ATRNL1: variants seen among roughly 807,000 people sequenced by gnomAD.
The protein encoded by ATRNL1 is attractin-like protein 1.
A neutral mutation model predicts 182.7 loss-of-function variants in ATRNL1; 95 were observed. The ratio of observed to expected loss-of-function variants is 0.52; its 90% CI spans 0.44 to 0.62. The LOEUF is 0.62. Ranked by LOEUF, ATRNL1 falls within the 20% of genes least tolerant of loss-of-function variation. The pLI is 0.00. For missense variants in ATRNL1, 1,471 were observed against 1,679.5 expected, an observed-to-expected ratio of 0.88 and a Z score of 2.17; for synonymous variants, 576 against 568.3, an observed-to-expected ratio of 1.01 and a Z score of -0.19.
chr10:115,670,387 A>G (rs1945657774), intron 26 of ATRNL1, among the ~76,000 whole-genome samples: 1 of 152,122 alleles, frequency 6.6e-6, no homozygotes, highest in Non-Finnish European at 1.5e-5. Flanking sequence ...TTTTTCCTGC[A>G]GTGAAAAAGA....
chr10:115,270,764 C>T (rs1851825790), intron 13 of ATRNL1, among the ~76,000 whole-genome samples: 1 of 152,054 alleles, frequency 6.6e-6, no homozygotes, highest in Non-Finnish European at 1.5e-5. Flanking sequence ...TCAGTCTCAT[C>T]CAGAACTGCC....
At chr10:115,237,327 C>T (rs1425686161) in intron 9 of ATRNL1, among the ~76,000 whole-genome samples, 1 of 152,170 alleles carries the variant, frequency 6.6e-6, no homozygotes, top group Non-Finnish European at 1.5e-5. Flanking sequence ...GCCAAAGTGG[C>T]TGGCTGTATC....
chr10:115,883,154 C>G (rs115665293), intron 28 of ATRNL1, among the ~76,000 whole-genome samples: 1,554 of 152,318 alleles, frequency 0.01, 34 homozygotes, highest in African/African-American at 0.036. Flanking sequence ...CTGGACAACT[C>G]TATACCCATC....
chr10:115,253,325 C>T lies in ATRNL1; in HGVS notation c.1687+11600C>T, dbSNP rs531769102. 4.6e-5 allele frequency among the ~76,000 whole-genome samples: 7 copies of T among 152,268 alleles called. No homozygotes were observed. The South Asian group carries it at 8.3e-4, about 18-fold the overall frequency. On this transcript the variant is annotated intron_variant, in intron 10 of 28. Transcript: ENST00000355044. ...GAATGGCCAGGCCTTTATACCAATA[C>T]ATTGATCAGTCATTCAATATGGGTC... is the stretch of plus-strand genomic sequence containing the variant.
chr10:115,829,636 T>C (rs933905628), intron 27 of ATRNL1, among the ~76,000 whole-genome samples: 1 of 152,098 alleles, frequency 6.6e-6, no homozygotes, highest in Non-Finnish European at 1.5e-5. Context: ...AAAAAAGATA[T>C]ACCCTTTTCC....
chr10:115,433,528 G>A (rs369419389), intron 21 of ATRNL1, among the ~76,000 whole-genome samples: 1 of 152,018 alleles, frequency 6.6e-6, no homozygotes, highest in South Asian at 2.1e-4. Flanking sequence ...CAGACATGAT[G>A]GATTGAACAG....
intron 1 of ATRNL1, among the ~76,000 whole-genome samples, chr10:115,117,424 T>G (rs1300140211): frequency 6.6e-6 from 1 of 152,142 alleles, no homozygotes; most frequent in African/African-American, 2.4e-5. Context: ...GTTTTGCTTT[T>G]TAGATCCCAC....
chr10:115,606,281 CAT>C (rs1470693576), intron 26 of ATRNL1, among the ~76,000 whole-genome samples: 10 of 151,996 alleles, frequency 6.6e-5, no homozygotes, highest in Non-Finnish European at 1.2e-4. Flanking sequence ...GCAACACACT[CAT>C]AGAAAAAAAA....
At chr10:115,356,512 A>G (rs930074879) in intron 19 of ATRNL1, among the ~76,000 whole-genome samples, 1 of 152,034 alleles carries the variant, frequency 6.6e-6, no homozygotes, top group African/African-American at 2.4e-5. Context: ...AACTGAGGCT[A>G]TGAAAACTGT....
chr10:115,685,798 C>A (rs969062272), intron 26 of ATRNL1, among the ~76,000 whole-genome samples: 1 of 151,548 alleles, frequency 6.6e-6, no homozygotes, highest in African/African-American at 2.4e-5. Flanking sequence ...TTTGTTAAGT[C>A]CAAGAATACA....
At chr10:115,196,830 G>A (rs1292358810) in intron 8 of ATRNL1, among the ~76,000 whole-genome samples, 2 of 151,968 alleles carry the variant, frequency 1.3e-5, no homozygotes, top group African/African-American at 2.4e-5. Flanking sequence ...CTATATAGAT[G>A]CTCATGTGGT....
intron 25 of ATRNL1, among the ~76,000 whole-genome samples, chr10:115,537,592 T>A (rs1402754741): frequency 6.6e-6 from 1 of 152,352 alleles, no homozygotes; most frequent in South Asian, 2.1e-4. Flanking sequence ...ACATTTATAA[T>A]TCAAAGTATG....
intron 26 of ATRNL1, among the ~76,000 whole-genome samples, chr10:115,612,464 T>C (rs531189143): frequency 3.9e-5 from 6 of 152,330 alleles, no homozygotes; most frequent in African/African-American, 1.4e-4. Flanking sequence ...CCAGGATATG[T>C]GGACTATGGG....
chr10:115,785,819 A>G (rs751169444), intron 27 of ATRNL1, among the ~76,000 whole-genome samples: 8 of 152,182 alleles, frequency 5.3e-5, no homozygotes, highest in African/African-American at 9.6e-5. Context: ...AGCAGGCCAC[A>G]CTTCTCATAC....
At chr10:115,447,438 A>T (rs1554966877) in intron 21 of ATRNL1, among the ~76,000 whole-genome samples, 1 of 151,422 alleles carries the variant, frequency 6.6e-6, no homozygotes, top group Non-Finnish European at 1.5e-5. Context: ...TGAGTACTTT[A>T]TATATGTCAA....
At chr10:115,243,311 A>G (rs1482906890) in intron 10 of ATRNL1, among the ~76,000 whole-genome samples, 1 of 152,064 alleles carries the variant, frequency 6.6e-6, no homozygotes, top group Non-Finnish European at 1.5e-5. Flanking sequence ...TTATGTGTCA[A>G]AAAACTTAAG....
At chr10:115,100,371 T>C (rs1315685477) in intron 1 of ATRNL1, among the ~76,000 whole-genome samples, 1 of 152,164 alleles carries the variant, frequency 6.6e-6, no homozygotes, top group Non-Finnish European at 1.5e-5. Flanking sequence ...ATTTTTTTTC[T>C]CTAGAAGTTT....
At chr10:115,262,128 A>G (rs531159363) in intron 10 of ATRNL1, among the ~76,000 whole-genome samples, 1 of 151,492 alleles carries the variant, frequency 6.6e-6, no homozygotes, top group East Asian at 1.9e-4. Flanking sequence ...AAAAGTGCTT[A>G]CCTCCATGAT....
intron 25 of ATRNL1, among the ~76,000 whole-genome samples, chr10:115,536,331 C>T (rs1554990327): frequency 6.6e-6 from 1 of 152,242 alleles, no homozygotes. Context: ...GCCCCTCCCC[C>T]AGCCTCGCTG....
Sources: allele counts gnomAD v4.1 joint callset (sites outside exome capture counted in the v4.1 genomes callset), GRCh38; gene constraint gnomAD v4.1.1; transcripts MANE v1.5; gene names NCBI Gene and HGNC (gene_info 2026-07-23, HGNC 2026-07-21).